PARVG: variants seen among roughly 807,000 people sequenced by gnomAD.
The protein encoded by PARVG is gamma-parvin.
Under a neutral mutation model 44.4 loss-of-function variants are expected in PARVG, and 36 were observed. That is an observed-to-expected ratio of 0.81 (90% confidence interval 0.62 to 1.07). The LOEUF is 1.07. PARVG is among the 50% of genes least tolerant of loss of function. The probability of loss-of-function intolerance (pLI) is 0.00; values close to 1 mark genes in which losing one functional copy is unlikely to be tolerated. For synonymous variants in PARVG, 170 were observed against 174.1 expected, an observed-to-expected ratio of 0.98 and a Z score of 0.19; for missense variants, 407 against 407.4, an observed-to-expected ratio of 1.00 and a Z score of 0.01.
chr22:44,187,012 C>T (rs1027080067), intron 4 of PARVG: 10 of 247,808 alleles, frequency 4.0e-5, no homozygotes, highest in Non-Finnish European at 7.5e-5. Flanking sequence ...GGGACAGTTT[C>T]GAGCAGAGCT....
chr22:44,191,757 G>A (rs2054551930), intron 7 of PARVG, among the ~76,000 whole-genome samples: 1 of 152,076 alleles, frequency 6.6e-6, no homozygotes, highest in African/African-American at 2.4e-5. Flanking sequence ...GTGTGGCTTG[G>A]TCTATACTGC....
rs199705949 is a variant in PARVG, at chr22:44,190,547, C to T, written c.389-4C>T. ...GCTCTGACCTGTCTCCACTCTCTTC[C>T]CAGGCATCTTCAACAAGGACCTGTT... is the stretch of plus-strand genomic sequence containing the variant. On this transcript the variant is annotated splice_region_variant and splice_polypyrimidine_tract_variant and intron_variant, in intron 6 of 13. Coordinates refer to ENST00000444313, the MANE Select transcript of PARVG (RefSeq NM_022141.7). 1.1e-4 allele frequency: 172 copies of T among 1,612,870 alleles called. 1 individual carries two copies. The East Asian group carries it at 3.8e-3, about 35-fold the overall frequency.
At chr22:44,191,144 G>A (rs1427629757) in intron 7 of PARVG, among the ~76,000 whole-genome samples, 1 of 152,154 alleles carries the variant, frequency 6.6e-6, no homozygotes, top group Non-Finnish European at 1.5e-5. Context: ...ACCCTCAGAT[G>A]TTCTGTCTAG....
chr22:44,174,742 A>G (rs2054302979), intron 1 of PARVG, among the ~76,000 whole-genome samples: 1 of 151,876 alleles, frequency 6.6e-6, no homozygotes, highest in South Asian at 2.1e-4. Flanking sequence ...CCTCAAAAAC[A>G]AAAAAGAAAA....
intron 12 of PARVG, among the ~76,000 whole-genome samples, chr22:44,200,803 G>A (rs1178468866): frequency 6.6e-6 from 1 of 152,128 alleles, no homozygotes; most frequent in Non-Finnish European, 1.5e-5. Context: ...TGGCCTATCT[G>A]GGGCCCAGTA....
At chr22:44,189,830 T>A (rs1181007725) in intron 6 of PARVG, among the ~76,000 whole-genome samples, 1 of 152,118 alleles carries the variant, frequency 6.6e-6, no homozygotes, top group Admixed American at 6.5e-5. Flanking sequence ...GGCAGGAGAA[T>A]CGCTTGAACC....
chr22:44,189,787 G>A (rs745995203), intron 6 of PARVG, among the ~76,000 whole-genome samples: 9 of 152,062 alleles, frequency 5.9e-5, no homozygotes, highest in Admixed American at 6.5e-5. Flanking sequence ...CGTGGTGGCC[G>A]GTGCCTGTAA....
Position 44,196,180 on chromosome 22 carries a change from G to A in PARVG, c.609G>A (p.Lys203=). 3.1e-6 allele frequency: 5 copies of A among 1,614,178 alleles called. No homozygotes were observed. Among genetic ancestry groups the A allele is most frequent in the Non-Finnish European group, 4.2e-6 (5 of 1,180,014 alleles). ...AGGACGTCTTTGATGAATTATTTAAGCTGGCTCCGGAGAAAGTGAACGCAG... is the reference window on the plus strand; with the variant it reads ...AGGACGTCTTTGATGAATTATTTAAACTGGCTCCGGAGAAAGTGAACGCAG... The part of the protein sequence containing the change: ...PPKDVFDELF[K]LAPEKVNAVK... Residue 203 remains lysine (K), a synonymous_variant, in exon 10 of 14, where the codon AAG becomes AAA. Coordinates refer to ENST00000444313, the MANE Select transcript of PARVG (RefSeq NM_022141.7).
chr22:44,196,350 A>C lies in PARVG; in HGVS notation c.646A>C (p.Ile216Leu), dbSNP rs1032147081. Reference sequence around the variant, plus strand: ...GCCCTTGTTCTTCCCTGGTTAGGCCATCGTGAACTTTGTCAACCAGAAGCT... The same window carrying C: ...GCCCTTGTTCTTCCCTGGTTAGGCCCTCGTGAACTTTGTCAACCAGAAGCT... Reference protein sequence around the residue: ...PEKVNAVKEAIVNFVNQKLDR... With the variant: ...PEKVNAVKEALVNFVNQKLDR... The change falls in exon 11 of 14, where the codon ATC (isoleucine) becomes CTC (leucine). Residue 216 changes from isoleucine (I) to leucine (L), a missense_variant. Physicochemically the swap from Ile to Leu is conservative, Grantham distance 5 (BLOSUM62 2). Coordinates refer to ENST00000444313, the MANE Select transcript of PARVG (RefSeq NM_022141.7). 6.2e-7 allele frequency: 1 copy of C among 1,614,220 alleles called. No individual in the cohort carries two copies.
At chr22:44,204,997 G>A (rs1022348522) in intron 12 of PARVG, among the ~76,000 whole-genome samples, 1 of 152,204 alleles carries the variant, frequency 6.6e-6, no homozygotes, top group African/African-American at 2.4e-5. Flanking sequence ...CAGGGGAACT[G>A]TGGTGAGCCC....
chr22:44,196,551 C>G, intron 11 of PARVG, 136 bp downstream of exon 11: 1 of 1,035,786 alleles, frequency 9.7e-7, no homozygotes, highest in Non-Finnish European at 1.4e-6. Context: ...GTCCCCCTCC[C>G]CGGTGGGACT....
chr22:44,185,702 G>A (rs374257195), intron 3 of PARVG, 106 bp from the exon 4 acceptor site: 91 of 913,176 alleles, frequency 1.0e-4, no homozygotes, highest in South Asian at 6.1e-4. Context: ...TGGCAGGACC[G>A]GTGCCCCTGG....
At position 44,191,388 on chromosome 22, in the gene PARVG, A is replaced by ATTTTTTT. The variant is rs35954868; in HGVS notation, c.505-640_505-634dup. The stretch of plus-strand genomic sequence containing the variant: ...GCCACACCCAGTCAGAGTCATTTCT[A>ATTTTTTT]TTTTTTTTTTTTTTTTTTTTTTTTT... On this transcript the variant is annotated intron_variant, in intron 7 of 13. Coordinates refer to ENST00000444313, the MANE Select transcript of PARVG (RefSeq NM_022141.7). 1.3e-3 allele frequency among the ~76,000 whole-genome samples: 83 copies of ATTTTTTT among 63,460 alleles called. 6 individuals carry two copies. The highest frequency in any genetic ancestry group is 1.8e-3 in the East Asian group (3 of 1,662). 41.6% of individuals were successfully genotyped at this position (63,460 alleles called of 152,430 possible).
At position 44,187,789 on chromosome 22, in the gene PARVG, G is replaced by A. The variant is rs1275383872; in HGVS notation, c.158G>A (p.Trp53Ter). 1.9e-6 allele frequency: 3 copies of A among 1,614,116 alleles called. No individual in the cohort carries two copies. In the African/African-American group the frequency reaches 4.0e-5, roughly 22 times the overall value. The part of the protein sequence containing the change: ...FEELQKVLME[W>*]INATLLPEHI... ...TGGAGCCTGCAGGTGTTGATGGAGT[G>A]GATCAATGCCACTCTTCTCCCCGAG... The change falls in exon 5 of 14, where the codon TGG becomes TAG. Residue 53 changes from tryptophan (W) to a stop codon, truncating the protein, a stop_gained. Transcript: ENST00000444313. LOFTEE classifies it high-confidence loss of function.
At chr22:44,194,228 G>A (rs968124714) in intron 9 of PARVG, among the ~76,000 whole-genome samples, 3 of 152,166 alleles carry the variant, frequency 2.0e-5, no homozygotes, top group Non-Finnish European at 4.4e-5. Context: ...TGGCAGTGAG[G>A]GTTAAAGGAG....
chr22:44,181,296 TCCTCCGAGGGCTTGTGGGAG>T lies in PARVG; in HGVS notation c.-189+116_-189+135del, dbSNP rs142637078. ...TGAGTGGGGTCAGGAAGTGACTCAC[TCCTCCGAGGGCTTGTGGGAG>T]CCTCAGCTCAGGGGCGGGCAGGGGG... On this transcript the variant is annotated intron_variant, in intron 1 of 13. Coordinates refer to ENST00000444313, the MANE Select transcript of PARVG (RefSeq NM_022141.7). The T allele has an allele frequency of 2.3e-4, 229 of 981,254 alleles. 2 individuals carry two copies. In the East Asian group the frequency reaches 0.023, roughly 98 times the overall value. The allele number at this position is 981,254 out of a possible 1,614,324, so 60.8% of individuals were successfully genotyped here.
chr22:44,179,224 TTCTTAGAGTCCCTC>T (rs2054345827), upstream of PARVG, among the ~76,000 whole-genome samples: 1 of 152,176 alleles, frequency 6.6e-6, no homozygotes, highest in Non-Finnish European at 1.5e-5. This position sits in a 1 kb window ranked among gnomAD's most constrained non-coding sequence, Gnocchi z 4.2. Flanking sequence ...ACTCTTCCAA[TTCTTAGAGTCCCTC>T]TCTTCCCCTA....
At chr22:44,202,281 G>A (rs980224811) in intron 12 of PARVG, among the ~76,000 whole-genome samples, 3 of 152,218 alleles carry the variant, frequency 2.0e-5, no homozygotes, top group Non-Finnish European at 2.9e-5. Context: ...TGGGGTCAGA[G>A]CCTGCCTCGG....
At chr22:44,198,923 T>C (rs34290568) in intron 12 of PARVG, among the ~76,000 whole-genome samples, 507 of 35,490 alleles carry the variant, frequency 0.014, 3 homozygotes, top group Non-Finnish European at 0.019. Flanking sequence ...TCCATCCATC[T>C]ACCCATCCAT....
Sources: gnomAD v4.1 joint callset for allele counts (sites outside exome capture counted in the v4.1 genomes callset) on GRCh38, gnomAD v4.1.1 for gene constraint, Gnocchi (gnomAD v3.1) non-coding constraint, MANE v1.5 for transcripts, NCBI Gene and HGNC (gene_info 2026-07-23, HGNC 2026-07-21) for gene names.